FAM219B: variants seen among roughly 807,000 people sequenced by gnomAD.
FAM219B encodes family with sequence similarity 219 member B, also known as protein FAM219B.
Under a neutral mutation model 19.9 loss-of-function variants are expected in FAM219B, and 18 were observed. That is an observed-to-expected ratio of 0.91 (90% CI 0.63 to 1.34). The LOEUF is 1.34. Among genes scored for constraint, FAM219B ranks in the 40% most tolerant of loss-of-function variants. The pLI, the probability that FAM219B is intolerant of heterozygous loss-of-function variation, is 0.00. For missense variants in FAM219B, 283 were observed against 270.5 expected, an observed-to-expected ratio of 1.05 and a Z score of -0.32; for synonymous variants, 123 against 117.5, an observed-to-expected ratio of 1.05 and a Z score of -0.30.
In FAM219B at chr15:74,901,009, C is replaced by T. The variant is rs1007709230; in HGVS notation, c.*1610G>A. On this transcript the variant is annotated 3_prime_UTR_variant, in exon 5 of 5. Coordinates refer to ENST00000357635, the MANE Select transcript of FAM219B (RefSeq NM_020447.5). ...TTAGACTTGCTCATCTTCTAGTCAC[C>T]CCTTGTGGTAGAGCGAAAAGAGTGT... The T allele has an allele frequency of 6.6e-6, 1 of 152,178 alleles. No homozygotes were observed. The highest frequency in any genetic ancestry group is 1.5e-5 in the Non-Finnish European group (1 of 68,032). The allele number at this position is 152,178 out of a possible 1,614,324, so 9.4% of individuals were successfully genotyped here. A position where few individuals can be genotyped will look rare whatever the true frequency, so the allele number is the denominator to read the frequency against.
rs1404564032 is a variant in FAM219B, at chr15:74,900,675, C to G, written c.*1944G>C. On this transcript the variant is annotated 3_prime_UTR_variant, in exon 5 of 5. Coordinates refer to ENST00000357635, the MANE Select transcript of FAM219B (RefSeq NM_020447.5). ...TTCTGGATGGAGATGTTCTTGAGCT[C>G]TACAAGCATTTGCACAAAGTGCTCA... 2.6e-5 allele frequency: 4 copies of G among 152,230 alleles called. No homozygotes were observed. Among genetic ancestry groups the G allele is most frequent in the Non-Finnish European group, 5.9e-5 (4 of 68,070 alleles). 9.4% of individuals were successfully genotyped at this position (152,230 alleles called of 1,614,324 possible). A position where few individuals can be genotyped will look rare whatever the true frequency, so the allele number is the denominator to read the frequency against.
chr15:74,902,587 T>C lies in FAM219B; in HGVS notation c.*32A>G, dbSNP rs773582770. On this transcript the variant is annotated 3_prime_UTR_variant, in exon 5 of 5. Coordinates refer to ENST00000357635, the MANE Select transcript of FAM219B (RefSeq NM_020447.5). ...GGCCAACAGGGCTCTGTAGGCCTCA[T>C]GGTGAGCAGGGCCCACCTTGGAGGG... The C allele has an allele frequency of 1.3e-6, 2 of 1,569,048 alleles. No homozygotes were observed. Among genetic ancestry groups the C allele is most frequent in the East Asian group, 4.5e-5 (2 of 44,324 alleles).
At chr15:74,898,082 G>C (rs2064850816), downstream of FAM219B, 1 of 385,878 alleles carries the variant, frequency 2.6e-6, no homozygotes, top group Non-Finnish European at 5.0e-6. Context: ...CAGAGCAAGA[G>C]ACCAGGTAAT....
chr15:74,904,606 CAGT>C (rs1218043091), intron 4 of FAM219B, 55 bp downstream of exon 4: 5 of 1,591,170 alleles, frequency 3.1e-6, no homozygotes, highest in Non-Finnish European at 3.4e-6. Flanking sequence ...AAGCATTTGG[CAGT>C]GGTGGTAATG....
chr15:74,906,538 G>A (rs2065203146), intron 1 of FAM219B, 49 bp downstream of exon 1: 2 of 1,464,704 alleles, frequency 1.4e-6, no homozygotes, highest in African/African-American at 1.4e-5. Context: ...CTGGGGACGC[G>A]GCCGCCCGCC....
chr15:74,898,737 C>T (rs2064862471), downstream of FAM219B: 1 of 152,182 alleles, frequency 6.6e-6, no homozygotes, highest in Non-Finnish European at 1.5e-5. Flanking sequence ...GATGGGGTTT[C>T]ACTGTGTTAG....
In FAM219B at chr15:74,905,239, G is replaced by A. The variant is rs1481266759; in HGVS notation, c.303-8C>T. The stretch of plus-strand genomic sequence containing the variant: ...TTGTTAAACTTCACTGACCTGAGGG[G>A]AGACGGGGGAGAAGAGACCAAACAT... On this transcript the variant is annotated splice_region_variant and splice_polypyrimidine_tract_variant and intron_variant, in intron 2 of 4. Transcript: ENST00000357635. 7 of 1,613,394 alleles carry A rather than the reference G, an allele frequency of 4.3e-6. No individual in the cohort carries two copies. The highest frequency in any genetic ancestry group is 5.9e-6 in the Non-Finnish European group (7 of 1,179,626).
Position 74,906,310 on chromosome 15 carries a change from G to A in FAM219B, c.270C>T (p.Ala90=). The A allele has an allele frequency of 6.2e-7, 1 of 1,613,656 alleles. No homozygotes were observed. The highest frequency in any genetic ancestry group is 8.5e-7 in the Non-Finnish European group (1 of 1,179,964). Residue 90 remains alanine (A), a synonymous_variant, in exon 2 of 5, where the codon GCC becomes GCT. Transcript: ENST00000357635. ...CTGAAGAGTCTGGGCGGTTCGGCGA[G>A]GCCCCCAGCATGCCTTTTCTCCGCA... is the stretch of plus-strand genomic sequence containing the variant. The part of the protein sequence containing the change: ...AVLRRKGMLG[A]SPNRPDSSGK...
chr15:74,904,854 T>C, intron 3 of FAM219B, 142 bp from the exon 4 acceptor site: 1 of 1,435,184 alleles, frequency 7.0e-7, no homozygotes, highest in Non-Finnish European at 9.7e-7. Context: ...CGAACAGGCC[T>C]TGAATAATAC....
Position 74,902,511 on chromosome 15 carries a change from T to C in FAM219B, c.*108A>G, listed in dbSNP as rs1448380878. On this transcript the variant is annotated 3_prime_UTR_variant, in exon 5 of 5. Transcript: ENST00000357635. ...CAGGTAAGGGCTACCTGCAGGTCACTTTCTAGGGGTCAGTGACTTCAGTGC... is the reference window on the plus strand; with the variant it reads ...CAGGTAAGGGCTACCTGCAGGTCACCTTCTAGGGGTCAGTGACTTCAGTGC... 3.2e-6 allele frequency: 4 copies of C among 1,234,704 alleles called. No individual in the cohort carries two copies. The highest frequency in any genetic ancestry group is 4.3e-6 in the Non-Finnish European group (4 of 923,878). 76.5% of individuals were successfully genotyped at this position (1,234,704 alleles called of 1,614,324 possible).
intron 4 of FAM219B, among the ~76,000 whole-genome samples, chr15:74,904,001 G>C (rs2065082966): frequency 6.6e-6 from 1 of 152,226 alleles, no homozygotes. Flanking sequence ...CTTGGTGAAA[G>C]ATGGGCAGGG....
chr15:74,902,941 C>T (rs1219024327), intron 4 of FAM219B, among the ~76,000 whole-genome samples, 155 bp from the exon 5 acceptor site: 2 of 152,182 alleles, frequency 1.3e-5, no homozygotes, highest in African/African-American at 4.8e-5. Context: ...GGAAGTACCA[C>T]CTTCTCCTAC....
downstream of FAM219B, chr15:74,899,579 G>A (rs983450184): frequency 6.6e-6 from 1 of 152,220 alleles, no homozygotes; most frequent in African/African-American, 2.4e-5. Context: ...AGGAATTGCT[G>A]TAGTCAGCTG....
intron 3 of FAM219B, 87 bp downstream of exon 3, chr15:74,905,067 G>A: frequency 1.3e-6 from 2 of 1,599,574 alleles, no homozygotes; most frequent in Non-Finnish European, 1.7e-6. Context: ...GGCCTTGGAG[G>A]AGACAGGGAA....
In FAM219B at chr15:74,901,434, G is replaced by C. The variant is rs2064953930; in HGVS notation, c.*1185C>G. On this transcript the variant is annotated 3_prime_UTR_variant, in exon 5 of 5. Coordinates refer to ENST00000357635, the MANE Select transcript of FAM219B (RefSeq NM_020447.5). ...GAAATTATGCCTATTTCTGCTGTTT[G>C]GGCTGGGGGCTGAAAGAGGCTGTGT... The C allele has an allele frequency of 1.3e-5, 2 of 152,194 alleles. No individual in the cohort carries two copies. Among genetic ancestry groups the C allele is most frequent in the Admixed American group, 1.3e-4 (2 of 15,268 alleles). The allele number at this position is 152,194 out of a possible 1,614,324, so 9.4% of individuals were successfully genotyped here. A position where few individuals can be genotyped will look rare whatever the true frequency, so the allele number is the denominator to read the frequency against.
rs1395128223 is a variant in FAM219B at position 74,906,766 on chromosome 15, C to T, written c.35G>A (p.Arg12Gln). ...GGGCCGGGGTCCCGGGGTAGACAAC[C>T]GCAACGCGCGCCCGCTGGGCTCCGC... ...ATAEPSGRAL[R>Q]LSTPGPRPSG... Residue 12 changes from arginine to glutamine, a missense_variant, in exon 1 of 5, where the codon CGG becomes CAG. Arg to Gln is a conservative substitution (Grantham distance 43). Transcript: ENST00000357635. The T allele has an allele frequency of 3.9e-6, 5 of 1,297,820 alleles. No individual in the cohort carries two copies. Among genetic ancestry groups the T allele is most frequent in the Non-Finnish European group, 4.9e-6 (5 of 1,022,184 alleles). 80.4% of individuals were successfully genotyped at this position (1,297,820 alleles called of 1,614,324 possible). A position where few individuals can be genotyped will look rare whatever the true frequency, so the allele number is the denominator to read the frequency against.
chr15:74,898,727 G>A (rs1345327799), downstream of FAM219B: 1 of 152,176 alleles, frequency 6.6e-6, no homozygotes, highest in South Asian at 2.1e-4. Flanking sequence ...TTTTAGTAGA[G>A]ATGGGGTTTC....
In FAM219B at chr15:74,906,815, C is replaced by T. The variant is rs944774801; in HGVS notation, c.-15G>A. The T allele has an allele frequency of 7.8e-7, 1 of 1,275,926 alleles. No individual in the cohort carries two copies. The highest frequency in any genetic ancestry group is 9.9e-7 in the Non-Finnish European group (1 of 1,013,832). 79.0% of individuals were successfully genotyped at this position (1,275,926 alleles called of 1,614,324 possible). A position where few individuals can be genotyped will look rare whatever the true frequency, so the allele number is the denominator to read the frequency against. On this transcript the variant is annotated 5_prime_UTR_variant, in exon 1 of 5. Coordinates refer to ENST00000357635, the MANE Select transcript of FAM219B (RefSeq NM_020447.5). ...GCGGTCGCCATGGCCGGGCCCCGCCCTGCCGGATGGTGCAACCCCGCCCGT... is the reference window on the plus strand; with the variant it reads ...GCGGTCGCCATGGCCGGGCCCCGCCTTGCCGGATGGTGCAACCCCGCCCGT...
downstream of FAM219B, chr15:74,899,121 G>C (rs1269975276): frequency 6.6e-6 from 1 of 152,234 alleles, no homozygotes; most frequent in Non-Finnish European, 1.5e-5. Flanking sequence ...TAAACGGGCA[G>C]GAAGTGTGAA....
Sources: allele counts gnomAD v4.1 joint callset (sites outside exome capture counted in the v4.1 genomes callset), GRCh38; gene constraint gnomAD v4.1.1; transcripts MANE v1.5; gene names NCBI Gene and HGNC (gene_info 2026-07-23, HGNC 2026-07-21).